Variants in VAPA observed in about 807,000 individuals in gnomAD.
VAPA encodes the protein VAMP associated protein A.
A neutral mutation model predicts 25.6 loss-of-function variants in VAPA; 6 were observed. The observed-to-expected ratio is 0.23, with a 90% CI of 0.13 to 0.46. VAPA has a LOEUF of 0.46. Ranked by LOEUF, VAPA falls within the 20% of genes least tolerant of loss-of-function variation. The pLI, the probability that VAPA is intolerant of heterozygous loss-of-function variation, is 0.99. For missense variants in VAPA, 244 were observed against 302.1 expected, an observed-to-expected ratio of 0.81 and a Z score of 1.43; for synonymous variants, 112 against 106.2, an observed-to-expected ratio of 1.05 and a Z score of -0.34.
chr18:9,936,030 A>G (rs1482567269), intron 2 of VAPA, 80 bp from the exon 3 acceptor site: 1 of 990,268 alleles, frequency 1.0e-6, no homozygotes. Flanking sequence ...GACTTAGTAT[A>G]ATTTAATCTG....
chr18:9,915,911 A>T (rs1214669708), intron 1 of VAPA: 1 of 151,886 alleles, frequency 6.6e-6, no homozygotes, highest in African/African-American at 2.4e-5. Context: ...CTGGGGGAAA[A>T]CCTTTGAGGA....
chr18:9,948,878 G>A (rs1381535239), intron 4 of VAPA: 1 of 152,128 alleles, frequency 6.6e-6, no homozygotes, highest in Non-Finnish European at 1.5e-5. Flanking sequence ...TCCTCTTTAA[G>A]TTTTTATCAG....
rs1182035346 is a variant in VAPA, at chr18:9,914,052, T to TG, written c.-201dup. 1 of 495,116 alleles carries TG rather than the reference T, an allele frequency of 2.0e-6. No homozygotes were observed. The highest frequency in any genetic ancestry group is 2.1e-5 in the African/African-American group (1 of 48,208). 30.7% of individuals were successfully genotyped at this position (495,116 alleles called of 1,614,324 possible). On this transcript the variant is annotated 5_prime_UTR_variant, in exon 1 of 6. Coordinates refer to ENST00000400000, the MANE Select transcript of VAPA (RefSeq NM_194434.3). ...GTGCGCGTGGCCGTGGCGGCTGGTG[T>TG]GGGGTTGAGTCAGTTGTGGGACCCG...
At chr18:9,926,411 C>T (rs912717386) in intron 1 of VAPA, among the ~76,000 whole-genome samples, 4 of 152,144 alleles carry the variant, frequency 2.6e-5, no homozygotes, top group Non-Finnish European at 5.9e-5. Context: ...GTCTGCACTG[C>T]ATAGCTAAGA....
intron 4 of VAPA, among the ~76,000 whole-genome samples, chr18:9,947,285 A>G (rs1405414950): frequency 6.6e-6 from 1 of 152,256 alleles, no homozygotes; most frequent in East Asian, 1.9e-4. Flanking sequence ...TTGTACATAA[A>G]TCATATGTGC....
rs2069090532 is a variant in VAPA, at chr18:9,914,298, C to T, written c.42C>T (p.Ile14=). Reference sequence around the variant, plus strand: ...GGGCCATGGCGAAGCACGAGCAGATCCTGGTCCTCGATCCGCCCACAGACC... The same window carrying T: ...GGGCCATGGCGAAGCACGAGCAGATTCTGGTCCTCGATCCGCCCACAGACC... The part of the protein sequence containing the change: ...ASGAMAKHEQ[I]LVLDPPTDLK... Residue 14 remains isoleucine (I), a synonymous_variant, in exon 1 of 6, where the codon ATC becomes ATT. Transcript: ENST00000400000. The T allele has an allele frequency of 1.9e-6, 3 of 1,591,032 alleles. No individual in the cohort carries two copies. The South Asian group carries it at 3.4e-5, about 18-fold the overall frequency.
chr18:9,930,813 A>T (rs1484577224), intron 1 of VAPA, among the ~76,000 whole-genome samples: 1 of 151,722 alleles, frequency 6.6e-6, no homozygotes, highest in Non-Finnish European at 1.5e-5. Flanking sequence ...CCTTCCTCTC[A>T]TCCTAGTTCC....
Position 9,958,505 on chromosome 18 carries a change from G to A in VAPA, c.*4294G>A, listed in dbSNP as rs1385851758. 1 of 152,082 alleles carries A rather than the reference G, an allele frequency of 6.6e-6. No homozygotes were observed. Among genetic ancestry groups the A allele is most frequent in the Non-Finnish European group, 1.5e-5 (1 of 68,006 alleles). 9.4% of individuals were successfully genotyped at this position (152,082 alleles called of 1,614,324 possible). A position where few individuals can be genotyped will look rare whatever the true frequency, so the allele number is the denominator to read the frequency against. On this transcript the variant is annotated 3_prime_UTR_variant, in exon 6 of 6. Transcript: ENST00000400000. Reference sequence around the variant, plus strand: ...CTATAGCAGTACCTTAACTCATGATGAGCTTAGGAACATAAAAGATAATTG... The same window carrying A: ...CTATAGCAGTACCTTAACTCATGATAAGCTTAGGAACATAAAAGATAATTG...
chr18:9,916,347 A>C (rs1346655237), intron 1 of VAPA, among the ~76,000 whole-genome samples: 1 of 152,220 alleles, frequency 6.6e-6, no homozygotes, highest in Non-Finnish European at 1.5e-5. Context: ...AAAGGTGTGT[A>C]GATGGTATAA....
intron 4 of VAPA, among the ~76,000 whole-genome samples, chr18:9,939,958 T>A (rs2069350435): frequency 6.6e-6 from 1 of 152,214 alleles, no homozygotes; most frequent in Non-Finnish European, 1.5e-5. Context: ...TCATTCCTAC[T>A]TCATACACTA....
chr18:9,948,074 T>C (rs973605532), intron 4 of VAPA: 1 of 152,234 alleles, frequency 6.6e-6, no homozygotes, highest in African/African-American at 2.4e-5. Context: ...CATTCTATTC[T>C]GTTTATGCTC....
chr18:9,937,695 A>G (rs983855367), intron 4 of VAPA, among the ~76,000 whole-genome samples: 3 of 152,190 alleles, frequency 2.0e-5, no homozygotes, highest in Non-Finnish European at 4.4e-5. Flanking sequence ...TCTGGATTGC[A>G]AATTTGAATC....
intron 1 of VAPA, chr18:9,924,152 A>AT (rs886131364): frequency 7.9e-5 from 12 of 151,820 alleles, no homozygotes; most frequent in African/African-American, 2.9e-4. Flanking sequence ...TTCATGTTAT[A>AT]TTTTCCCCTA....
chr18:9,943,575 G>A (rs1173363745), intron 4 of VAPA, among the ~76,000 whole-genome samples: 1 of 152,140 alleles, frequency 6.6e-6, no homozygotes, highest in Non-Finnish European at 1.5e-5. Context: ...ATACGAAAGC[G>A]CTGTTGTACA....
intron 4 of VAPA, among the ~76,000 whole-genome samples, chr18:9,943,892 G>A (rs1358101239): frequency 4.1e-5 from 4 of 96,766 alleles, no homozygotes; most frequent in Non-Finnish European, 7.5e-5. Context: ...ACAGTGTCTC[G>A]CTCTGTCACC....
Position 9,959,181 on chromosome 18 carries a change from A to T in VAPA, c.*4970A>T, listed in dbSNP as rs1351220498. 6.6e-6 allele frequency: 1 copy of T among 152,224 alleles called. No individual in the cohort carries two copies. Among genetic ancestry groups the T allele is most frequent in the East Asian group, 1.9e-4 (1 of 5,198 alleles). The allele number at this position is 152,224 out of a possible 1,614,324, so 9.4% of individuals were successfully genotyped here. A position where few individuals can be genotyped will look rare whatever the true frequency, so the allele number is the denominator to read the frequency against. On this transcript the variant is annotated 3_prime_UTR_variant, in exon 6 of 6. Transcript: ENST00000400000. The stretch of plus-strand genomic sequence containing the variant: ...TGGTCTGATCCTAGTGATCTACCAT[A>T]TGAAGGACATAGTTTGTGTCCTGGT...
intron 5 of VAPA, 159 bp downstream of exon 5, chr18:9,950,727 A>G: frequency 1.5e-6 from 1 of 664,468 alleles, no homozygotes. Flanking sequence ...CTCTTTTAAC[A>G]GTCTTCCCGT....
In VAPA at chr18:9,954,408, G is replaced by T; in HGVS notation, c.*197G>T. On this transcript the variant is annotated 3_prime_UTR_variant, in exon 6 of 6. Coordinates refer to ENST00000400000, the MANE Select transcript of VAPA (RefSeq NM_194434.3). The stretch of plus-strand genomic sequence containing the variant: ...AACAAACTGTTCGGCTACTGGACAG[G>T]TTGTATATTACCAGATCATCACTAG... 1.9e-6 allele frequency: 1 copy of T among 530,714 alleles called. No homozygotes were observed. The highest frequency in any genetic ancestry group is 3.3e-6 in the Non-Finnish European group (1 of 303,792). The allele number at this position is 530,714 out of a possible 1,614,324, so 32.9% of individuals were successfully genotyped here.
intron 2 of VAPA, among the ~76,000 whole-genome samples, chr18:9,934,727 C>T (rs1222136623): frequency 3.3e-5 from 5 of 152,114 alleles, no homozygotes; most frequent in African/African-American, 1.2e-4. Flanking sequence ...TTTGTATAGT[C>T]TGTTATATTG....
Sources: allele counts gnomAD v4.1 joint callset (sites outside exome capture counted in the v4.1 genomes callset), GRCh38; gene constraint gnomAD v4.1.1; transcripts MANE v1.5; gene names NCBI Gene and HGNC (gene_info 2026-07-23, HGNC 2026-07-21).